The following RGS8 variants were observed in gnomAD, a reference collection of about 807,000 sequenced individuals.
The protein encoded by RGS8 is regulator of G protein signaling 8.
Under a neutral mutation model 21.7 loss-of-function variants are expected in RGS8, and 8 were observed. The ratio of observed to expected loss-of-function variants is 0.37; its 90% CI spans 0.22 to 0.66. RGS8 has a LOEUF of 0.66. RGS8 is among the 30% of genes least tolerant of loss of function. The pLI, the probability that RGS8 is intolerant of heterozygous loss-of-function variation, is 0.59. For synonymous variants in RGS8, 80 were observed against 83.6 expected (o/e 0.96, Z 0.24); for missense variants, 157 against 217.9 (o/e 0.72, Z 1.76).
chr1:182,682,755 C>T (rs1664577582), intron 1 of RGS8, among the ~76,000 whole-genome samples: 1 of 151,662 alleles, frequency 6.6e-6, no homozygotes, highest in Admixed American at 6.6e-5. Context: ...GCCTATTCAG[C>T]TCATGCTGCT....
chr1:182,650,202 G>A (rs961182041), intron 5 of RGS8, among the ~76,000 whole-genome samples: 12 of 152,228 alleles, frequency 7.9e-5, no homozygotes, highest in East Asian at 3.9e-4. Context: ...GAGCCACCAC[G>A]CCCGGCCAAC....
At chr1:182,670,684 G>GT (rs1553222016) in intron 2 of RGS8, among the ~76,000 whole-genome samples, 1 of 151,954 alleles carries the variant, frequency 6.6e-6, no homozygotes, top group Non-Finnish European at 1.5e-5. Context: ...ATATTACCGC[G>GT]ACTATTTCAC....
intron 5 of RGS8, among the ~76,000 whole-genome samples, chr1:182,663,601 T>G (rs1293280658): frequency 2.6e-5 from 4 of 152,148 alleles, no homozygotes; most frequent in African/African-American, 9.7e-5. Context: ...TGATCACAGA[T>G]CACTGCAGCC....
chr1:182,705,408 C>T, the RGS8 span, among the ~76,000 whole-genome samples: 4 of 152,152 alleles, frequency 2.6e-5, no homozygotes, highest in African/African-American at 7.2e-5. Context: ...ATCTTTATTC[C>T]GTCTACAGAT....
At chr1:182,746,374 G>A in the RGS8 span, among the ~76,000 whole-genome samples, 2 of 152,228 alleles carry the variant, frequency 1.3e-5, no homozygotes, top group South Asian at 2.1e-4. Context: ...GTATATAAAT[G>A]AAAACTTCCA....
the RGS8 span, among the ~76,000 whole-genome samples, chr1:182,722,526 G>A: frequency 6.6e-6 from 1 of 152,070 alleles, no homozygotes; most frequent in East Asian, 1.9e-4. Flanking sequence ...CCTGTGCCTG[G>A]TGGCTCTTTC....
At chr1:182,745,271 C>T in the RGS8 span, among the ~76,000 whole-genome samples, 11 of 152,146 alleles carry the variant, frequency 7.2e-5, no homozygotes, top group Non-Finnish European at 1.3e-4. Flanking sequence ...GCCCTAGAAA[C>T]AGGAATAAAA....
At chr1:182,746,704 G>C in the RGS8 span, among the ~76,000 whole-genome samples, 1 of 150,180 alleles carries the variant, frequency 6.7e-6, no homozygotes, top group Non-Finnish European at 1.5e-5. Context: ...AGGAAGGAAA[G>C]AAAGAGAGAG....
At chr1:182,712,182 A>G in the RGS8 span, among the ~76,000 whole-genome samples, 1 of 152,242 alleles carries the variant, frequency 6.6e-6, no homozygotes, top group Non-Finnish European at 1.5e-5. Context: ...CTCTTGAAAA[A>G]GGATGCTGGA....
intron 6 of RGS8, 135 bp downstream of exon 7, chr1:182,648,002 T>A (rs1662784751): frequency 1.4e-6 from 1 of 728,270 alleles, no homozygotes; most frequent in South Asian, 4.4e-5. Context: ...CCTTTTTTCA[T>A]CAAGGGCCAC....
chr1:182,718,731 C>T, the RGS8 span, among the ~76,000 whole-genome samples: 1 of 152,060 alleles, frequency 6.6e-6, no homozygotes, highest in Admixed American at 6.5e-5. Context: ...GTTTTCTGGC[C>T]GTTGTCTTAA....
chr1:182,745,162 T>C, the RGS8 span, among the ~76,000 whole-genome samples: 7 of 152,176 alleles, frequency 4.6e-5, no homozygotes, highest in Non-Finnish European at 7.3e-5. Flanking sequence ...AGACAGAGAA[T>C]TGGTCTGACC....
intron 2 of RGS8, among the ~76,000 whole-genome samples, chr1:182,671,232 A>G (rs1219234221): frequency 6.6e-6 from 1 of 152,096 alleles, no homozygotes; most frequent in Non-Finnish European, 1.5e-5. Flanking sequence ...GATGCTCTCA[A>G]CCACAGATGC....
chr1:182,652,357 C>A (rs1348872834), intron 5 of RGS8, among the ~76,000 whole-genome samples: 1 of 152,180 alleles, frequency 6.6e-6, no homozygotes, highest in African/African-American at 2.4e-5. Flanking sequence ...GAGGTACAGG[C>A]ATCACCTCCT....
chr1:182,648,038 T>A, intron 6 of RGS8, 99 bp downstream of exon 7: 1 of 1,125,346 alleles, frequency 8.9e-7, no homozygotes. Flanking sequence ...CAGTTTAGTA[T>A]AAGAAAGTCC....
chr1:182,653,219 T>C (rs1443954572), intron 5 of RGS8, among the ~76,000 whole-genome samples: 1 of 152,148 alleles, frequency 6.6e-6, no homozygotes, highest in Non-Finnish European at 1.5e-5. Flanking sequence ...AGAGTTTTCA[T>C]GGTGTGATGG....
chr1:182,677,887 G>C (rs1664417531), upstream of RGS8, among the ~76,000 whole-genome samples: 1 of 152,204 alleles, frequency 6.6e-6, no homozygotes. Flanking sequence ...AAAATCAGGA[G>C]ATGTTAGAGG....
the RGS8 span, among the ~76,000 whole-genome samples, chr1:182,691,971 C>T: frequency 6.6e-6 from 1 of 151,104 alleles, no homozygotes; most frequent in African/African-American, 2.4e-5. Flanking sequence ...TTTCAGGATA[C>T]AAAATCAATG....
the RGS8 span, among the ~76,000 whole-genome samples, chr1:182,723,416 T>C: frequency 6.6e-6 from 1 of 152,120 alleles, no homozygotes; most frequent in Non-Finnish European, 1.5e-5. Flanking sequence ...AGCTCCTTAC[T>C]ACATGGGCCT....
Sources: gnomAD v4.1 joint callset for allele counts (sites outside exome capture counted in the v4.1 genomes callset) on GRCh38, gnomAD v4.1.1 for gene constraint, MANE v1.5 for transcripts, NCBI Gene and HGNC (gene_info 2026-07-23, HGNC 2026-07-21) for gene names.